SDHC: variants seen among roughly 807,000 people sequenced by gnomAD.
The protein encoded by SDHC is succinate dehydrogenase complex subunit C.
In SDHC, 11 loss-of-function variants were observed where a neutral mutation model predicts 22.6. That is an observed-to-expected ratio of 0.49 (90% CI 0.31 to 0.81). The LOEUF (loss-of-function observed/expected upper bound fraction) is 0.81, where lower values mean the gene tolerates loss of function less well. SDHC is among the 30% of genes least tolerant of loss of function. The pLI, the probability that SDHC is intolerant of heterozygous loss-of-function variation, is 0.05. For synonymous variants in SDHC, 80 were observed against 77.8 expected, an observed-to-expected ratio of 1.03 and a Z score of -0.15; for missense variants, 160 against 212.0, an observed-to-expected ratio of 0.75 and a Z score of 1.52.
chr1:161,326,487 CAGAA>C (rs1028894400), intron 2 of SDHC, among the ~76,000 whole-genome samples: 5 of 148,024 alleles, frequency 3.4e-5, no homozygotes, highest in Non-Finnish European at 5.9e-5. Flanking sequence ...AGGGTGTCCT[CAGAA>C]AGCAAGTGGG....
intron 1 of SDHC, among the ~76,000 whole-genome samples, chr1:161,316,541 G>C (rs1670623676): frequency 6.6e-6 from 1 of 152,206 alleles, no homozygotes; most frequent in East Asian, 1.9e-4. Context: ...TTAAAATGGA[G>C]TCTCTTATGT....
At chr1:161,328,190 C>T (rs1233418850) in intron 2 of SDHC, among the ~76,000 whole-genome samples, 10 of 151,946 alleles carry the variant, frequency 6.6e-5, no homozygotes, top group South Asian at 4.2e-4. Flanking sequence ...TTAGTAGAGA[C>T]GAGGTTTCTC....
At chr1:161,319,025 CAA>C (rs916201376) in intron 1 of SDHC, among the ~76,000 whole-genome samples, 1 of 151,812 alleles carries the variant, frequency 6.6e-6, no homozygotes, top group Non-Finnish European at 1.5e-5. Flanking sequence ...GCCTGGGTGA[CAA>C]GAGCAAAACT....
At chr1:161,315,904 G>A (rs1195608479) in intron 1 of SDHC, among the ~76,000 whole-genome samples, 4 of 152,082 alleles carry the variant, frequency 2.6e-5, no homozygotes, top group Non-Finnish European at 5.9e-5. Flanking sequence ...GGTGTTTCTC[G>A]GAGAGGGGGA....
intron 1 of SDHC, among the ~76,000 whole-genome samples, chr1:161,322,618 G>T (rs1480887812): frequency 6.6e-6 from 1 of 151,284 alleles, no homozygotes; most frequent in Non-Finnish European, 1.5e-5. Flanking sequence ...CCAGTCTGGA[G>T]TGCAGTGGTG....
chr1:161,343,934 G>T (rs1671805141), intron 4 of SDHC, among the ~76,000 whole-genome samples: 1 of 152,044 alleles, frequency 6.6e-6, no homozygotes, highest in African/African-American at 2.4e-5. Flanking sequence ...TATTTGGGCA[G>T]GGTGCAGTGA....
intron 1 of SDHC, among the ~76,000 whole-genome samples, chr1:161,317,798 T>TA (rs935416179): frequency 3.3e-5 from 5 of 150,596 alleles, no homozygotes; most frequent in African/African-American, 1.2e-4. Flanking sequence ...TGACCTCAGG[T>TA]GATCCACCTG....
At chr1:161,329,065 G>A (rs1002817724) in intron 3 of SDHC, among the ~76,000 whole-genome samples, 1 of 151,856 alleles carries the variant, frequency 6.6e-6, no homozygotes, top group African/African-American at 2.4e-5. Context: ...GCACCACTAC[G>A]GCCAGCTAAT....
At chr1:161,326,296 TG>T (rs1395779787) in intron 2 of SDHC, among the ~76,000 whole-genome samples, 1 of 151,554 alleles carries the variant, frequency 6.6e-6, no homozygotes, top group Non-Finnish European at 1.5e-5. Context: ...ATAAGATAAG[TG>T]GAGGAACATG....
chr1:161,318,895 G>A (rs1447439160), intron 1 of SDHC, among the ~76,000 whole-genome samples: 1 of 151,898 alleles, frequency 6.6e-6, no homozygotes, highest in Admixed American at 6.6e-5. Context: ...TTTGCTGGGC[G>A]TGGTTGTGGG....
chr1:161,329,597 G>T (rs182859298), intron 3 of SDHC, among the ~76,000 whole-genome samples: 1 of 152,326 alleles, frequency 6.6e-6, no homozygotes, highest in East Asian at 1.9e-4. Context: ...CTCCCAAAGT[G>T]CTGGGATTAT....
At chr1:161,320,782 A>C (rs1315266676) in intron 1 of SDHC, among the ~76,000 whole-genome samples, 2 of 151,766 alleles carry the variant, frequency 1.3e-5, no homozygotes, top group South Asian at 2.1e-4. Context: ...GCTGAAGCTC[A>C]ATGACTCACT....
At chr1:161,352,202 C>T (rs1357380737) in intron 4 of SDHC, among the ~76,000 whole-genome samples, 2 of 152,170 alleles carry the variant, frequency 1.3e-5, no homozygotes, top group South Asian at 4.1e-4. Flanking sequence ...TTCAGAAAAT[C>T]TCATATTTAA....
rs372507462 is a variant in SDHC, at chr1:161,342,509, C to CT, written c.241+1870dup. ...TCCTGTGGATAGTTCCCTGGTATGT[C>CT]TTTTTTTTTTTTTTTTGAGACAGAG... On this transcript the variant is annotated intron_variant, in intron 4 of 5. Transcript: ENST00000367975. Among the ~76,000 whole-genome samples the CT allele has an allele frequency of 8.7e-3, 1,225 of 141,442 alleles. 6 individuals carry two copies. Among genetic ancestry groups the CT allele is most frequent in the Non-Finnish European group, 0.013 (809 of 64,206 alleles). 92.8% of individuals were successfully genotyped at this position (141,442 alleles called of 152,430 possible).
chr1:161,323,710 T>A lies in SDHC; in HGVS notation c.77+40T>A, dbSNP rs1435439304. The A allele has an allele frequency of 2.6e-6, 4 of 1,514,942 alleles. No individual in the cohort carries two copies. In the South Asian group the frequency reaches 4.6e-5, roughly 18 times the overall value. 93.8% of individuals were successfully genotyped at this position (1,514,942 alleles called of 1,614,324 possible). ...CTGGAGATTATTTATTTATTTTTTT[T>A]TTTGAGACGGAGTCTCGCTCTGTCA... On this transcript the variant is annotated intron_variant, in intron 2 of 5. Coordinates refer to ENST00000367975, the MANE Select transcript of SDHC (RefSeq NM_003001.5).
At chr1:161,347,324 G>A (rs1178741308) in intron 4 of SDHC, among the ~76,000 whole-genome samples, 3 of 151,920 alleles carry the variant, frequency 2.0e-5, no homozygotes, top group Non-Finnish European at 2.9e-5. Flanking sequence ...GCACGATCTC[G>A]GCTCACTGCA....
intron 4 of SDHC, among the ~76,000 whole-genome samples, chr1:161,352,152 C>T (rs1177427894): frequency 6.6e-6 from 1 of 152,180 alleles, no homozygotes; most frequent in Non-Finnish European, 1.5e-5. Context: ...GGAGTGGGGT[C>T]AGTTTCCTGA....
rs193061228 is a variant in SDHC, at chr1:161,359,341, A to G, written c.405+2501A>G. On this transcript the variant is annotated intron_variant, in intron 5 of 5. Transcript: ENST00000367975. ...AATGGAATAAAAAAAATGAGAGACT[A>G]AATTACTTATTAAATTAAGTGTCTG... Among the ~76,000 whole-genome samples, 35 of 152,358 alleles carry G rather than the reference A, an allele frequency of 2.3e-4. 1 individual carries two copies. The East Asian group carries it at 6.2e-3, about 27-fold the overall frequency.
chr1:161,334,865 T>C (rs143817602), intron 3 of SDHC, among the ~76,000 whole-genome samples: 27 of 152,222 alleles, frequency 1.8e-4, no homozygotes, highest in Admixed American at 1.8e-3. Flanking sequence ...TTCTGCCTAC[T>C]ACAACTTCTT....
Sources: gnomAD v4.1 joint callset for allele counts (sites outside exome capture counted in the v4.1 genomes callset) on GRCh38, gnomAD v4.1.1 for gene constraint, MANE v1.5 for transcripts, NCBI Gene and HGNC (gene_info 2026-07-23, HGNC 2026-07-21) for gene names.